PRKN: variants seen among roughly 807,000 people sequenced by gnomAD.
PRKN encodes E3 ubiquitin-protein ligase parkin.
Under a neutral mutation model 59.5 loss-of-function variants are expected in PRKN, and 56 were observed. The ratio of observed to expected loss-of-function variants is 0.94; its 90% CI spans 0.76 to 1.18. The LOEUF is 1.18. PRKN is among the 50% of genes most tolerant of loss of function. The probability of loss-of-function intolerance (pLI) is 0.00; values close to 1 mark genes in which losing one functional copy is unlikely to be tolerated. For synonymous variants in PRKN, 250 were observed against 222.1 expected (o/e 1.13, Z -1.12); for missense variants, 657 against 596.4 (o/e 1.10, Z -1.06).
intron 7 of PRKN, among the ~76,000 whole-genome samples, chr6:161,621,470 G>A (rs560420081): frequency 7.9e-4 from 121 of 152,240 alleles, no homozygotes; most frequent in African/African-American, 2.8e-3. Context: ...GCAGGAGGAG[G>A]AGAGTGTATC....
intron 2 of PRKN, among the ~76,000 whole-genome samples, chr6:162,282,099 T>C (rs1433996192): frequency 6.6e-6 from 1 of 152,184 alleles, no homozygotes; most frequent in East Asian, 1.9e-4. Context: ...GCCCAGGTCC[T>C]CACAGGCCAC....
chr6:161,403,455 G>C (rs1787133424), intron 9 of PRKN, among the ~76,000 whole-genome samples: 1 of 152,130 alleles, frequency 6.6e-6, no homozygotes, highest in Non-Finnish European at 1.5e-5. Flanking sequence ...GTTGTCCTGT[G>C]GAGAAACGGA....
intron 4 of PRKN, among the ~76,000 whole-genome samples, chr6:162,059,650 T>C (rs1778013875): frequency 1.3e-5 from 2 of 152,184 alleles, no homozygotes; most frequent in African/African-American, 4.8e-5. Flanking sequence ...AAAACCACTA[T>C]TTCATCCCTC....
At chr6:162,295,140 C>T (rs925861541) in intron 2 of PRKN, among the ~76,000 whole-genome samples, 10 of 152,200 alleles carry the variant, frequency 6.6e-5, no homozygotes, top group African/African-American at 2.4e-4. Flanking sequence ...CCAGCATTCG[C>T]TGGTGCTGGG....
Position 162,310,759 on chromosome 6 carries a change from A to T in PRKN, c.172-47994T>A, listed in dbSNP as rs936833092. Among the ~76,000 whole-genome samples the T allele has an allele frequency of 1.7e-4, 9 of 53,162 alleles. No homozygotes were observed. In the East Asian group the frequency reaches 5.1e-3, roughly 30 times the overall value. 34.9% of individuals were successfully genotyped at this position (53,162 alleles called of 152,430 possible). On this transcript the variant is annotated intron_variant, in intron 2 of 11. Transcript: ENST00000366898. Reference sequence around the variant, plus strand: ...TAAATTATAATAAAAATATATATATATAAAAAAAAGCAGCAATGGGAGACT... The same window carrying T: ...TAAATTATAATAAAAATATATATATTTAAAAAAAAGCAGCAATGGGAGACT...
chr6:161,862,137 G>A (rs1470460333), intron 6 of PRKN, among the ~76,000 whole-genome samples: 1 of 152,068 alleles, frequency 6.6e-6, no homozygotes, highest in Non-Finnish European at 1.5e-5. Context: ...CTCAAATCAA[G>A]AGCCTTAATT....
intron 6 of PRKN, among the ~76,000 whole-genome samples, chr6:161,954,360 C>T (rs1780095604): frequency 6.6e-6 from 1 of 152,186 alleles, no homozygotes; most frequent in Admixed American, 6.5e-5. Flanking sequence ...CTGTATGCCA[C>T]ATCACTGATG....
At chr6:161,994,100 A>G (rs1455715642) in intron 5 of PRKN, among the ~76,000 whole-genome samples, 1 of 152,200 alleles carries the variant, frequency 6.6e-6, no homozygotes, top group East Asian at 1.9e-4. Flanking sequence ...ATGAACATCA[A>G]TGCAAAAATC....
intron 10 of PRKN, among the ~76,000 whole-genome samples, chr6:161,384,507 C>T (rs192393205): frequency 1.3e-5 from 2 of 151,980 alleles, no homozygotes; most frequent in East Asian, 1.9e-4. Context: ...CATACCACTG[C>T]ACCCCAGCCT....
intron 5 of PRKN, among the ~76,000 whole-genome samples, chr6:162,036,635 C>T (rs1783861042): frequency 6.6e-6 from 1 of 151,996 alleles, no homozygotes; most frequent in Non-Finnish European, 1.5e-5. Flanking sequence ...CCTGCCTGGG[C>T]CTCCCAAAGT....
At chr6:162,342,460 C>A (rs779781401) in intron 2 of PRKN, among the ~76,000 whole-genome samples, 6 of 152,140 alleles carry the variant, frequency 3.9e-5, no homozygotes, top group Admixed American at 6.5e-5. Context: ...TTCTTAATAA[C>A]TTAATGAGGT....
At position 161,386,799 on chromosome 6, in the gene PRKN, T is replaced by C. The variant is rs948581056; in HGVS notation, c.1162A>G (p.Thr388Ala). 3 of 1,610,888 alleles carry C rather than the reference T, an allele frequency of 1.9e-6. No homozygotes were observed. The African/African-American group carries it at 4.0e-5, about 22-fold the overall frequency. ...ATGAGTAGGGCATTCTGTACCTGAG[T>C]AGTTGTTCCTGAGGCTTCAAATACG... ...SAVFEASGTT[T>A]QAYRVDERAA... The change falls in exon 10 of 12, where the codon ACT (threonine) becomes GCT (alanine). Residue 388 changes from threonine (T) to alanine (A), a missense_variant. Coordinates refer to ENST00000366898, the MANE Select transcript of PRKN (RefSeq NM_004562.3). This position sits in a 1 kb window ranked among gnomAD's most constrained non-coding sequence, Gnocchi z 4.3.
chr6:161,370,930 A>T (rs987495151), intron 10 of PRKN, among the ~76,000 whole-genome samples: 8 of 152,198 alleles, frequency 5.3e-5, no homozygotes, highest in Non-Finnish European at 8.8e-5. Flanking sequence ...CCACCTTTGC[A>T]GACAGCAGCC....
At chr6:162,569,602 C>G (rs1046921684) in intron 1 of PRKN, 1 of 715,070 alleles carries the variant, frequency 1.4e-6, no homozygotes, top group Non-Finnish European at 2.6e-6. Context: ...TGGGCTCCAG[C>G]TTTGGCTCTG....
chr6:161,435,820 C>G (rs991637898), intron 9 of PRKN, among the ~76,000 whole-genome samples: 4 of 139,972 alleles, frequency 2.9e-5, no homozygotes, highest in African/African-American at 1.1e-4. Flanking sequence ...GAAAACTCCT[C>G]CAGGATTTCC....
At chr6:162,282,441 G>C (rs1780949474) in intron 2 of PRKN, among the ~76,000 whole-genome samples, 1 of 152,138 alleles carries the variant, frequency 6.6e-6, no homozygotes, top group Admixed American at 6.6e-5. Flanking sequence ...AAGTGCTTAT[G>C]ATAAACAGCT....
At chr6:162,503,212 G>T (rs1382827008) in intron 1 of PRKN, among the ~76,000 whole-genome samples, 2 of 148,060 alleles carry the variant, frequency 1.4e-5, no homozygotes, top group African/African-American at 2.5e-5. Flanking sequence ...ACCCAGGCTG[G>T]AGTGCAATGG....
intron 1 of PRKN, among the ~76,000 whole-genome samples, chr6:162,690,991 T>C (rs1390798291): frequency 1.3e-5 from 2 of 152,156 alleles, no homozygotes; most frequent in Admixed American, 6.5e-5. Flanking sequence ...AAGGATATGC[T>C]GTCCTAAAAA....
chr6:162,709,863 G>A (rs920217831), intron 1 of PRKN, among the ~76,000 whole-genome samples: 2 of 146,902 alleles, frequency 1.4e-5, no homozygotes, highest in Non-Finnish European at 3.0e-5. Context: ...CCTGGAATCT[G>A]AGAGCGAATG....
Sources: gnomAD v4.1 joint callset for allele counts (sites outside exome capture counted in the v4.1 genomes callset) on GRCh38, gnomAD v4.1.1 for gene constraint, Gnocchi (gnomAD v3.1) non-coding constraint, MANE v1.5 for transcripts, NCBI Gene and HGNC (gene_info 2026-07-23, HGNC 2026-07-21) for gene names.